The following ME1 variants were observed in gnomAD, a reference collection of about 807,000 sequenced individuals.
The protein encoded by ME1 is NADP-dependent malic enzyme.
ME1 carries 74 observed loss-of-function variants against 66.4 expected under a neutral mutation model. The observed-to-expected ratio is 1.11, with a 90% CI of 0.92 to 1.35. The LOEUF (loss-of-function observed/expected upper bound fraction) is 1.35. Ranked by LOEUF, ME1 falls within the 40% of genes most tolerant of loss-of-function variation. The pLI is 0.00. For synonymous variants in ME1, 251 were observed against 235.6 expected (o/e 1.07, Z -0.60); for missense variants, 750 against 694.1 (o/e 1.08, Z -0.90).
intron 12 of ME1, among the ~76,000 whole-genome samples, chr6:83,217,545 G>A (rs1034142238): frequency 1.3e-5 from 2 of 152,144 alleles, no homozygotes; most frequent in Non-Finnish European, 2.9e-5. Context: ...AATTTAGTAA[G>A]GTAACAGAGT....
At chr6:83,385,536 G>A (rs922164902) in intron 3 of ME1, among the ~76,000 whole-genome samples, 1 of 151,894 alleles carries the variant, frequency 6.6e-6, no homozygotes, top group Non-Finnish European at 1.5e-5. Flanking sequence ...AATATGGAGA[G>A]CCGATGAACT....
chr6:83,376,804 C>CCAAAAAAAAAAAAAAAAAAAAAA (rs768668584), intron 3 of ME1, among the ~76,000 whole-genome samples: 50 of 87,108 alleles, frequency 5.7e-4, no homozygotes, highest in African/African-American at 1.8e-3. Flanking sequence ...CCCTGTCTCA[C>CCAAAAAAAAAAAAAAAAAAAAAA]AAAAAAAAAA....
intron 6 of ME1, among the ~76,000 whole-genome samples, chr6:83,288,851 T>C (rs1055503885): frequency 7.0e-4 from 107 of 152,322 alleles, no homozygotes; most frequent in African/African-American, 2.4e-3. Flanking sequence ...TTTGTAGTTC[T>C]CCTTGAAGAG....
intron 6 of ME1, among the ~76,000 whole-genome samples, chr6:83,272,315 A>ATT (rs11369416): frequency 6.6e-6 from 1 of 151,022 alleles, no homozygotes; most frequent in Non-Finnish European, 1.5e-5. Context: ...ACAGAGAAGC[A>ATT]TTTTTTTTTC....
intron 3 of ME1, among the ~76,000 whole-genome samples, chr6:83,396,063 T>A (rs2128550428): frequency 6.6e-6 from 1 of 152,118 alleles, no homozygotes; most frequent in African/African-American, 2.4e-5. Flanking sequence ...GCAATCCCAT[T>A]AATAATAGCT....
intron 6 of ME1, among the ~76,000 whole-genome samples, chr6:83,292,793 C>T (rs1018628859): frequency 3.3e-5 from 5 of 152,192 alleles, no homozygotes; most frequent in Non-Finnish European, 7.3e-5. Context: ...GTTTGAGCTT[C>T]CCTGCCGCTT....
chr6:83,315,257 G>T, intron 6 of ME1, 53 bp downstream of exon 6: 1 of 1,078,158 alleles, frequency 9.3e-7, no homozygotes, highest in Non-Finnish European at 1.4e-6. Context: ...TTTTTTAATA[G>T]TCTGTTATGT....
intron 12 of ME1, 46 bp downstream of exon 12, chr6:83,223,714 A>G: frequency 1.3e-6 from 2 of 1,556,718 alleles, no homozygotes; most frequent in East Asian, 2.3e-5. Context: ...GGCTGAGCAC[A>G]CTTGGTATTT....
intron 1 of ME1, 77 bp downstream of exon 1, chr6:83,430,799 TG>T: frequency 7.9e-7 from 1 of 1,273,722 alleles, no homozygotes; most frequent in Non-Finnish European, 1.1e-6. Context: ...GGCGAGGCCA[TG>T]GTGCGGGGAC....
chr6:83,391,267 A>G (rs925752996), intron 3 of ME1, among the ~76,000 whole-genome samples: 9 of 152,166 alleles, frequency 5.9e-5, no homozygotes, highest in African/African-American at 2.4e-5. Context: ...GACTACAACA[A>G]GTGGCAAAAC....
chr6:83,405,263 T>C (rs1271648190), intron 2 of ME1, among the ~76,000 whole-genome samples: 1 of 152,160 alleles, frequency 6.6e-6, no homozygotes, highest in Non-Finnish European at 1.5e-5. Flanking sequence ...ATTCTCTTTG[T>C]AGCAATTGTG....
At chr6:83,244,406 G>A (rs1790577880) in intron 7 of ME1, among the ~76,000 whole-genome samples, 1 of 152,082 alleles carries the variant, frequency 6.6e-6, no homozygotes, top group Admixed American at 6.6e-5. Flanking sequence ...GTGATATGAG[G>A]CTAGAGAAGT....
chr6:83,354,598 A>AC (rs1768854809), intron 3 of ME1, among the ~76,000 whole-genome samples: 1 of 152,190 alleles, frequency 6.6e-6, no homozygotes, highest in South Asian at 2.1e-4. Flanking sequence ...CTTCTCTGAT[A>AC]ACAGTAGTCA....
intron 8 of ME1, among the ~76,000 whole-genome samples, chr6:83,238,784 TAA>T (rs1297178984): frequency 9.3e-6 from 1 of 106,968 alleles, no homozygotes; most frequent in African/African-American, 3.2e-5. Context: ...TTTGAAAATT[TAA>T]AGTTTCTTGA....
intron 3 of ME1, among the ~76,000 whole-genome samples, chr6:83,367,252 C>A (rs1466330335): frequency 6.6e-6 from 1 of 152,142 alleles, no homozygotes; most frequent in Non-Finnish European, 1.5e-5. Flanking sequence ...CATCCAGACT[C>A]TTGTTCCATT....
At chr6:83,232,077 C>T (rs1479534157) in intron 9 of ME1, among the ~76,000 whole-genome samples, 2 of 152,084 alleles carry the variant, frequency 1.3e-5, no homozygotes, top group East Asian at 3.9e-4. Context: ...TATTCCACAG[C>T]CCAGGATAGG....
At chr6:83,329,388 C>A (rs141460764) in intron 5 of ME1, among the ~76,000 whole-genome samples, 1 of 152,074 alleles carries the variant, frequency 6.6e-6, no homozygotes, top group Non-Finnish European at 1.5e-5. Flanking sequence ...TGAAAGCTTT[C>A]GTGTCAATAG....
At chr6:83,403,923 G>C (rs58678918) in intron 2 of ME1, among the ~76,000 whole-genome samples, 3,909 of 152,214 alleles carry the variant, frequency 0.026, 172 homozygotes, top group African/African-American at 0.089. Context: ...ATTTGGGTTG[G>C]TTCCATGTCT....
intron 6 of ME1, among the ~76,000 whole-genome samples, chr6:83,259,432 G>GT (rs1315366515): frequency 6.6e-6 from 1 of 152,180 alleles, no homozygotes; most frequent in Non-Finnish European, 1.5e-5. Flanking sequence ...CATGAATTAG[G>GT]TGAGACTTAA....
Sources: allele counts gnomAD v4.1 joint callset (sites outside exome capture counted in the v4.1 genomes callset), GRCh38; gene constraint gnomAD v4.1.1; transcripts MANE v1.5; gene names NCBI Gene and HGNC (gene_info 2026-07-23, HGNC 2026-07-21).